The following NAT10 variants were observed in gnomAD, a reference collection of about 807,000 sequenced individuals.
The protein encoded by NAT10 is N-acetyltransferase 10.
A neutral mutation model predicts 132.2 loss-of-function variants in NAT10; 109 were observed. The ratio of observed to expected loss-of-function variants is 0.82; its 90% CI spans 0.71 to 0.97. NAT10 has a LOEUF of 0.97. Ranked by LOEUF, NAT10 falls within the 50% of genes least tolerant of loss-of-function variation. The pLI, the probability that NAT10 is intolerant of heterozygous loss-of-function variation, is 0.00. For missense variants in NAT10, 1,184 were observed against 1,263.4 expected (o/e 0.94, Z 0.95); for synonymous variants, 479 against 478.0 (o/e 1.00, Z -0.03).
In NAT10 at chr11:34,146,065, A is replaced by G. The variant is rs1376853833; in HGVS notation, c.2970-19A>G. ...GATCTGTACATATTTCATTCTTTCT[A>G]TTTTTGATTTTTCTCTAGTGACAAG... On this transcript the variant is annotated intron_variant, in intron 28 of 28. Coordinates refer to ENST00000257829, the MANE Select transcript of NAT10 (RefSeq NM_024662.3). The G allele has an allele frequency of 1.3e-6, 2 of 1,521,740 alleles. No homozygotes were observed. The allele number at this position is 1,521,740 out of a possible 1,614,324, so 94.3% of individuals were successfully genotyped here.
At chr11:34,113,859 T>G in intron 5 of NAT10, 21 bp downstream of exon 5, 2 of 1,609,848 alleles carry the variant, frequency 1.2e-6, no homozygotes. Context: ...GTTTTTTAAC[T>G]TAATTGTGAG....
rs561774841 is a variant in NAT10, at chr11:34,134,428, G to A, written c.1836+8G>A. 3 of 1,614,102 alleles carry A rather than the reference G, an allele frequency of 1.9e-6. No homozygotes were observed. The highest frequency in any genetic ancestry group is 1.1e-5 in the South Asian group (1 of 91,080). On this transcript the variant is annotated splice_region_variant and intron_variant, in intron 17 of 28. Coordinates refer to ENST00000257829, the MANE Select transcript of NAT10 (RefSeq NM_024662.3). ...TGGACAGTGTCAGAACAGGTGACGG[G>A]CTTTCCCTGGTGTGTCTGAGGGAAG...
chr11:34,114,451 C>T lies in NAT10; in HGVS notation c.495+613C>T, dbSNP rs137883922. ...TGTCCAGCAGCTCAGTAATGGTGGT[C>T]GGATTGGACTTAGGGTTTCCTGAGC... On this transcript the variant is annotated intron_variant, in intron 5 of 28. Transcript: ENST00000257829. 4.3e-3 allele frequency among the ~76,000 whole-genome samples: 654 copies of T among 152,262 alleles called. 6 individuals carry two copies. Among genetic ancestry groups the T allele is most frequent in the African/African-American group, 0.015 (614 of 41,554 alleles).
rs1300368202 is a variant in NAT10, at chr11:34,112,111, T to C, written c.260T>C (p.Ile87Thr). The change falls in exon 4 of 29, where the codon ATA becomes ACA. Residue 87 changes from isoleucine to threonine, a missense_variant. Coordinates refer to ENST00000257829, the MANE Select transcript of NAT10 (RefSeq NM_024662.3). ...AAAATAAAGAATGGAACACTGAACA[T>C]AAAGCAGGACGACCCCTTTGAACTC... Reference protein sequence around the residue: ...QKKIKNGTLNIKQDDPFELFI... With the variant: ...QKKIKNGTLNTKQDDPFELFI... The C allele has an allele frequency of 4.3e-6, 7 of 1,614,180 alleles. No individual in the cohort carries two copies. The highest frequency in any genetic ancestry group is 5.9e-6 in the Non-Finnish European group (7 of 1,180,036).
intron 27 of NAT10, among the ~76,000 whole-genome samples, chr11:34,143,048 C>T (rs770907536): frequency 1.3e-4 from 20 of 152,154 alleles, no homozygotes; most frequent in African/African-American, 1.7e-4. Flanking sequence ...AGGGGAGAGG[C>T]ACAGTTCAAG....
At chr11:34,118,091 G>A in intron 6 of NAT10, 89 bp from the exon 7 acceptor site, 1 of 1,058,084 alleles carries the variant, frequency 9.5e-7, no homozygotes, top group Admixed American at 2.1e-5. Flanking sequence ...GACACTTGGG[G>A]CCAGTTAATT....
At position 34,133,267 on chromosome 11, in the gene NAT10, G is replaced by T; in HGVS notation, c.1734+125G>T. The T allele has an allele frequency of 4.0e-6, 3 of 745,570 alleles. No homozygotes were observed. The East Asian group carries it at 7.8e-5, about 19-fold the overall frequency. The allele number at this position is 745,570 out of a possible 1,614,324, so 46.2% of individuals were successfully genotyped here. A position where few individuals can be genotyped will look rare whatever the true frequency, so the allele number is the denominator to read the frequency against. On this transcript the variant is annotated intron_variant, in intron 16 of 28. Coordinates refer to ENST00000257829, the MANE Select transcript of NAT10 (RefSeq NM_024662.3). ...TGGAGTCCTGGTCTGGAACCAAGGG[G>T]CTGGGTCTGCTGAGACAGGTGACTA...
chr11:34,108,163 C>T, intron 1 of NAT10, 48 bp from the exon 2 acceptor site: 1 of 1,335,478 alleles, frequency 7.5e-7, no homozygotes, highest in Non-Finnish European at 1.1e-6. Context: ...GCTAATGTTC[C>T]TTAGACAATC....
At chr11:34,107,781 A>G (rs1478951340) in intron 1 of NAT10, among the ~76,000 whole-genome samples, 1 of 152,230 alleles carries the variant, frequency 6.6e-6, no homozygotes, top group Non-Finnish European at 1.5e-5. Flanking sequence ...AGGTTGAGGC[A>G]GGAGGATTGC....
Position 34,113,743 on chromosome 11 carries a change from C to G in NAT10, c.400C>G (p.Leu134Val). 1 of 1,612,368 alleles carries G rather than the reference C, an allele frequency of 6.2e-7. No homozygotes were observed. Among genetic ancestry groups the G allele is most frequent in the Non-Finnish European group, 8.5e-7 (1 of 1,179,288 alleles). The change falls in exon 5 of 29, where the codon CTG (leucine) becomes GTG (valine). Residue 134 changes from leucine (L) to valine (V), a missense_variant. Leu to Val is a conservative substitution (Grantham distance 32). Coordinates refer to ENST00000257829, the MANE Select transcript of NAT10 (RefSeq NM_024662.3). ...TTTTGAAGCCTTAACTCCAAACTTGCTGGCCAGGACTGTAGAAACAGTGGA... is the reference window on the plus strand; with the variant it reads ...TTTTGAAGCCTTAACTCCAAACTTGGTGGCCAGGACTGTAGAAACAGTGGA... ...QDFEALTPNLLARTVETVEGG... is the reference protein window; with the variant it reads ...QDFEALTPNLVARTVETVEGG...
In NAT10 at chr11:34,146,125, A is replaced by G; in HGVS notation, c.3011A>G (p.Gln1004Arg). ...RKLEAKQEPK[Q>R]SKKLKNRETK... is the part of the protein sequence containing the mutation. The stretch of plus-strand genomic sequence containing the variant: ...TTAGAGGCCAAACAAGAACCCAAAC[A>G]GAGCAAGAAGTTGAAGAACAGAGAG... The change falls in exon 29 of 29, where the codon CAG (glutamine) becomes CGG (arginine). Residue 1004 changes from glutamine (Q) to arginine (R), a missense_variant. Gln to Arg is a conservative substitution (Grantham distance 43, BLOSUM62 1). Transcript: ENST00000257829. 1 of 1,610,552 alleles carries G rather than the reference A, an allele frequency of 6.2e-7. No individual in the cohort carries two copies. Among genetic ancestry groups the G allele is most frequent in the Non-Finnish European group, 8.5e-7 (1 of 1,178,936 alleles).
intron 9 of NAT10, 29 bp downstream of exon 9, chr11:34,122,621 G>T: frequency 6.2e-7 from 1 of 1,611,820 alleles, no homozygotes; most frequent in Admixed American, 1.7e-5. Flanking sequence ...CCATCTTTAG[G>T]AACTCTGGGC....
Position 34,128,849 on chromosome 11 carries a change from C to T in NAT10, c.1244+1250C>T, listed in dbSNP as rs939813047. Among the ~76,000 whole-genome samples, 55 of 152,190 alleles carry T rather than the reference C, an allele frequency of 3.6e-4. 2 individuals carry two copies. The highest frequency in any genetic ancestry group is 2.9e-5 in the Non-Finnish European group (2 of 68,034). On this transcript the variant is annotated intron_variant, in intron 12 of 28. Coordinates refer to ENST00000257829, the MANE Select transcript of NAT10 (RefSeq NM_024662.3). The stretch of plus-strand genomic sequence containing the variant: ...CATCCTCCTCCAGTTCCTCCACACC[C>T]CCCAACCCTAGGGAGTCACTAATCT...
intron 6 of NAT10, among the ~76,000 whole-genome samples, chr11:34,116,932 T>C (rs1378896573): frequency 6.6e-6 from 1 of 152,090 alleles, no homozygotes; most frequent in East Asian, 1.9e-4. Context: ...GTTTTCACTG[T>C]GTTGGCCAGG....
intron 12 of NAT10, among the ~76,000 whole-genome samples, chr11:34,129,972 C>CT: frequency 6.6e-6 from 1 of 152,204 alleles, no homozygotes; most frequent in Non-Finnish European, 1.5e-5. Flanking sequence ...TGTGCTTACT[C>CT]TTTTTTCTTA....
In NAT10 at chr11:34,133,374, C is replaced by G. The variant is rs76371333; in HGVS notation, c.1734+232C>G. Among the ~76,000 whole-genome samples the G allele has an allele frequency of 8.4e-3, 1,280 of 152,276 alleles. 15 individuals are homozygous for G. The highest frequency in any genetic ancestry group is 0.029 in the African/African-American group (1,188 of 41,556). ...CGGGGAAAAGCCAGAACCGACCGCT[C>G]TCTTATTTTGACTCACAGCTTCTTC... On this transcript the variant is annotated intron_variant, in intron 16 of 28. Coordinates refer to ENST00000257829, the MANE Select transcript of NAT10 (RefSeq NM_024662.3).
chr11:34,115,905 A>G lies in NAT10; in HGVS notation c.557+21A>G, dbSNP rs75035612. ...GAAAGGTAATTCTATAGTTCCCCCC[A>G]ATTGTGGGGCAGCCACATTGGGAGG... is the stretch of plus-strand genomic sequence containing the variant. On this transcript the variant is annotated intron_variant, in intron 6 of 28. Transcript: ENST00000257829. 1.8e-3 allele frequency: 2,871 copies of G among 1,612,642 alleles called. 41 individuals carry two copies. In the African/African-American group the frequency reaches 0.029, roughly 16 times the overall value.
intron 15 of NAT10, among the ~76,000 whole-genome samples, chr11:34,132,591 TAAAAAC>T (rs1852125685): frequency 6.6e-6 from 1 of 152,234 alleles, no homozygotes; most frequent in Non-Finnish European, 1.5e-5. Flanking sequence ...CTGAGACTCT[TAAAAAC>T]AAAAGGGTTG....
At chr11:34,143,167 G>GACTCTT (rs929762975) in intron 27 of NAT10, among the ~76,000 whole-genome samples, 1 of 152,168 alleles carries the variant, frequency 6.6e-6, no homozygotes, top group African/African-American at 2.4e-5. Flanking sequence ...AGCCAGGCAG[G>GACTCTT]CTGCCTTCTG....
Sources: allele counts gnomAD v4.1 joint callset (sites outside exome capture counted in the v4.1 genomes callset), GRCh38; gene constraint gnomAD v4.1.1; transcripts MANE v1.5; gene names NCBI Gene and HGNC (gene_info 2026-07-23, HGNC 2026-07-21).